GPHN: variants seen among roughly 807,000 people sequenced by gnomAD.
The protein encoded by GPHN is gephyrin.
GPHN carries 17 observed loss-of-function variants against 95.5 expected under a neutral mutation model. The ratio of observed to expected loss-of-function variants is 0.18; its 90% CI spans 0.12 to 0.27. The LOEUF (loss-of-function observed/expected upper bound fraction) is 0.27. Ranked by LOEUF, GPHN falls within the 10% of genes least tolerant of loss-of-function variation. The probability of loss-of-function intolerance (pLI) is 1.00; values close to 1 mark genes in which losing one functional copy is unlikely to be tolerated. For synonymous variants in GPHN, 320 were observed against 322.5 expected (o/e 0.99, Z 0.08); for missense variants, 660 against 978.1 (o/e 0.67, Z 4.34).
At chr14:66,564,826 TCATA>T (rs545002078) in intron 1 of GPHN, among the ~76,000 whole-genome samples, 3 of 152,144 alleles carry the variant, frequency 2.0e-5, no homozygotes, top group Non-Finnish European at 2.9e-5. Context: ...TTTCAGTGTG[TCATA>T]CACACCCTAC....
At chr14:67,219,222 A>T in the GPHN span, among the ~76,000 whole-genome samples, 1 of 152,136 alleles carries the variant, frequency 6.6e-6, no homozygotes, top group African/African-American at 2.4e-5. Flanking sequence ...CTCCTGTTGT[A>T]AGGACTGTAG....
At chr14:67,626,024 C>T in the GPHN span, among the ~76,000 whole-genome samples, 31,196 of 151,960 alleles carry the variant, frequency 0.21, 3,970 homozygotes, top group African/African-American at 0.36. Flanking sequence ...GAGGCTGAGG[C>T]GGGCAGATCA....
chr14:67,729,056 G>T, the GPHN span: 1 of 884,026 alleles, frequency 1.1e-6, no homozygotes, highest in African/African-American at 1.6e-5. Context: ...GCCTGGCCAG[G>T]AGTGGTACCT....
At chr14:66,650,355 C>A (rs942044798) in intron 1 of GPHN, among the ~76,000 whole-genome samples, 1 of 152,184 alleles carries the variant, frequency 6.6e-6, no homozygotes, top group African/African-American at 2.4e-5. Flanking sequence ...GCCACTATTT[C>A]ATCAAATGTG....
chr14:67,025,549 G>T (rs1014948024), intron 10 of GPHN, among the ~76,000 whole-genome samples: 2 of 152,174 alleles, frequency 1.3e-5, no homozygotes, highest in African/African-American at 4.8e-5. Flanking sequence ...AAAGGAGCCT[G>T]AGAATAAAAA....
At chr14:67,512,176 T>C in the GPHN span, among the ~76,000 whole-genome samples, 6 of 152,184 alleles carry the variant, frequency 3.9e-5, no homozygotes, top group Non-Finnish European at 8.8e-5. Context: ...ACATGCATTC[T>C]CACACACCAC....
intron 1 of GPHN, among the ~76,000 whole-genome samples, chr14:66,600,677 C>T (rs2062190233): frequency 6.6e-6 from 1 of 152,016 alleles, no homozygotes; most frequent in Non-Finnish European, 1.5e-5. Context: ...TCACAGGCGT[C>T]TTGTGCTTAG....
chr14:67,677,392 T>G, the GPHN span: 1 of 136,352 alleles, frequency 7.3e-6, no homozygotes, highest in East Asian at 2.1e-4. Flanking sequence ...TTTTTTTTTT[T>G]GCCACACTGG....
At chr14:66,748,281 CTT>C (rs1009622189) in intron 2 of GPHN, among the ~76,000 whole-genome samples, 1 of 151,954 alleles carries the variant, frequency 6.6e-6, no homozygotes, top group African/African-American at 2.4e-5. Flanking sequence ...TTATCACAGG[CTT>C]TCTATGGTAT....
At chr14:66,617,175 G>A (rs908244450) in intron 1 of GPHN, among the ~76,000 whole-genome samples, 1 of 152,178 alleles carries the variant, frequency 6.6e-6, no homozygotes, top group Non-Finnish European at 1.5e-5. Flanking sequence ...TTCTCTAGGG[G>A]CTCAGGCCCC....
chr14:66,699,524 G>A (rs1045421584), intron 2 of GPHN, among the ~76,000 whole-genome samples: 1 of 152,090 alleles, frequency 6.6e-6, no homozygotes, highest in Non-Finnish European at 1.5e-5. Flanking sequence ...GTCTTTGTGA[G>A]TATATAGTTC....
intron 2 of GPHN, among the ~76,000 whole-genome samples, chr14:66,731,032 C>T (rs1467791386): frequency 6.6e-6 from 1 of 152,190 alleles, no homozygotes; most frequent in Non-Finnish European, 1.5e-5. Flanking sequence ...GTTTTGCCTG[C>T]TCTTGCTGGC....
the GPHN span, among the ~76,000 whole-genome samples, chr14:67,325,360 A>G: frequency 1.3e-5 from 2 of 152,178 alleles, no homozygotes; most frequent in South Asian, 4.1e-4. Context: ...CATGATGAGC[A>G]TAATTCTGGT....
intron 9 of GPHN, among the ~76,000 whole-genome samples, chr14:67,023,037 G>A (rs1054506751): frequency 6.6e-6 from 1 of 151,838 alleles, no homozygotes; most frequent in East Asian, 1.9e-4. Context: ...TTCAACAGAA[G>A]CATATTTCAT....
At chr14:66,820,334 GA>G (rs775164934) in intron 3 of GPHN, among the ~76,000 whole-genome samples, 6 of 151,726 alleles carry the variant, frequency 4.0e-5, no homozygotes, top group Non-Finnish European at 8.8e-5. Context: ...AACTTGCACA[GA>G]AAAAAAATAG....
intron 4 of GPHN, among the ~76,000 whole-genome samples, chr14:66,840,736 C>CAAAAAAAAA (rs553788734): frequency 8.6e-5 from 7 of 81,150 alleles, no homozygotes; most frequent in Non-Finnish European, 2.2e-4. Flanking sequence ...GCAGGCCATA[C>CAAAAAAAAA]AAAAAAAAAA....
chr14:67,687,308 G>C, the GPHN span, among the ~76,000 whole-genome samples: 1 of 152,060 alleles, frequency 6.6e-6, no homozygotes, highest in South Asian at 2.1e-4. Flanking sequence ...TGGCCTCTAA[G>C]GGTTTGGCAT....
rs992720029 is a variant in GPHN, at chr14:66,689,683, T to A, written c.143+8498T>A. On this transcript the variant is annotated intron_variant, in intron 2 of 22. Coordinates refer to ENST00000478722, the MANE Select transcript of GPHN (RefSeq NM_020806.5). Reference sequence around the variant, plus strand: ...ACAGTGAAGCCATAGGGTCCCAGGCTTTTTTAAAATTACAAATTTAGTCAC... The same window carrying A: ...ACAGTGAAGCCATAGGGTCCCAGGCATTTTTAAAATTACAAATTTAGTCAC... Among the ~76,000 whole-genome samples the A allele has an allele frequency of 5.9e-5, 9 of 152,156 alleles. No individual in the cohort carries two copies. The South Asian group carries it at 1.9e-3, about 32-fold the overall frequency.
chr14:66,536,333 T>G (rs1342642424), intron 1 of GPHN, among the ~76,000 whole-genome samples: 1 of 152,226 alleles, frequency 6.6e-6, no homozygotes, highest in African/African-American at 2.4e-5. Context: ...GGTTGTATCC[T>G]TAATTCTGTG....
Sources: gnomAD v4.1 joint callset for allele counts (sites outside exome capture counted in the v4.1 genomes callset) on GRCh38, gnomAD v4.1.1 for gene constraint, MANE v1.5 for transcripts, NCBI Gene and HGNC (gene_info 2026-07-23, HGNC 2026-07-21) for gene names.